The following USP47 variants were observed in gnomAD, a reference collection of about 807,000 sequenced individuals.
USP47 encodes the protein ubiquitin carboxyl-terminal hydrolase 47.
Under a neutral mutation model 165.1 loss-of-function variants are expected in USP47, and 35 were observed. That is an observed-to-expected ratio of 0.21 (90% CI 0.16 to 0.28). The LOEUF is 0.28. USP47 is among the 10% of genes least tolerant of loss of function. The pLI is 1.00. For missense variants in USP47, 1,277 were observed against 1,607.4 expected, an observed-to-expected ratio of 0.79 and a Z score of 3.52; for synonymous variants, 531 against 544.5, an observed-to-expected ratio of 0.98 and a Z score of 0.35.
At chr11:11,938,551 G>A (rs768711866) in intron 18 of USP47, among the ~76,000 whole-genome samples, 179 bp downstream of exon 18, 10 of 152,044 alleles carry the variant, frequency 6.6e-5, no homozygotes, top group Admixed American at 1.3e-4. Flanking sequence ...GTAAGAAAGT[G>A]TAAGGCAAGT....
intron 1 of USP47, among the ~76,000 whole-genome samples, chr11:11,873,201 T>C (rs986430231): frequency 6.6e-5 from 10 of 152,128 alleles, no homozygotes; most frequent in African/African-American, 2.4e-4. Flanking sequence ...TTTTATTAAC[T>C]GAAGAAGGGA....
chr11:11,892,248 A>G lies in USP47; in HGVS notation c.496+142A>G, dbSNP rs1851562587. 3 of 820,222 alleles carry G rather than the reference A, an allele frequency of 3.7e-6. No individual in the cohort carries two copies. In the East Asian group the frequency reaches 8.4e-5, roughly 23 times the overall value. 50.8% of individuals were successfully genotyped at this position (820,222 alleles called of 1,614,324 possible). ...TACTAGCTAGCAGCCGCAAAGTTAG[A>G]AGAAGTATGTGGTTTACTTTTCCTT... On this transcript the variant is annotated intron_variant, in intron 4 of 27. Coordinates refer to ENST00000527733, the MANE Select transcript of USP47 (RefSeq NM_001282659.2).
chr11:11,921,464 A>G (rs1009576948), intron 10 of USP47, among the ~76,000 whole-genome samples: 1 of 151,866 alleles, frequency 6.6e-6, no homozygotes, highest in Non-Finnish European at 1.5e-5. Flanking sequence ...TGGATAATTC[A>G]TAAAACCTTT....
intron 1 of USP47, among the ~76,000 whole-genome samples, chr11:11,853,245 G>A (rs1315772284): frequency 6.6e-6 from 1 of 152,126 alleles, no homozygotes; most frequent in Non-Finnish European, 1.5e-5. Context: ...AATACCTATT[G>A]TAAATTAAAG....
chr11:11,842,091 G>T lies in USP47; in HGVS notation c.-95G>T. Reference sequence around the variant, plus strand: ...ATTGCTGGAGCGCAGGCGGCGGAGAGGATGACTGCCGCTGCCATTCTCTCT... The same window carrying T: ...ATTGCTGGAGCGCAGGCGGCGGAGATGATGACTGCCGCTGCCATTCTCTCT... On this transcript the variant is annotated 5_prime_UTR_variant, in exon 1 of 28. The change creates a new upstream start codon in the 5' untranslated region. Coordinates refer to ENST00000527733, the MANE Select transcript of USP47 (RefSeq NM_001282659.2). 3.4e-6 allele frequency: 5 copies of T among 1,455,604 alleles called. No homozygotes were observed. Among genetic ancestry groups the T allele is most frequent in the Non-Finnish European group, 4.7e-6 (5 of 1,073,074 alleles). 90.2% of individuals were successfully genotyped at this position (1,455,604 alleles called of 1,614,324 possible).
intron 1 of USP47, among the ~76,000 whole-genome samples, chr11:11,842,748 G>A (rs1384265644): frequency 1.3e-5 from 2 of 151,858 alleles, no homozygotes; most frequent in African/African-American, 4.8e-5. Context: ...CTGCCTAAAT[G>A]GGGCCTACCG....
chr11:11,890,898 A>G (rs1238205530), intron 3 of USP47, among the ~76,000 whole-genome samples: 1 of 152,218 alleles, frequency 6.6e-6, no homozygotes, highest in African/African-American at 2.4e-5. Context: ...TTCTCAGGAA[A>G]CTAACACAGG....
chr11:11,890,470 T>C (rs1564866537), intron 3 of USP47, among the ~76,000 whole-genome samples: 1 of 152,084 alleles, frequency 6.6e-6, no homozygotes, highest in Admixed American at 6.5e-5. Context: ...ATTAGAGAAA[T>C]GCAAATCAAA....
chr11:11,918,398 G>C (rs1248444580), intron 8 of USP47, among the ~76,000 whole-genome samples: 1 of 152,076 alleles, frequency 6.6e-6, no homozygotes, highest in Non-Finnish European at 1.5e-5. Context: ...GAAATACATT[G>C]TTAAGGTAAT....
chr11:11,878,520 C>CT (rs1200027208), intron 1 of USP47: 11 of 152,038 alleles, frequency 7.2e-5, no homozygotes. Context: ...GTAAAATAAT[C>CT]TATTAAATGT....
chr11:11,930,007 T>C (rs377372403), intron 12 of USP47, 37 bp from the exon 13 acceptor site: 521 of 1,553,886 alleles, frequency 3.4e-4, no homozygotes, highest in South Asian at 1.1e-3. Context: ...GATAGTGTTA[T>C]AGAATTTGCA....
intron 24 of USP47, chr11:11,952,337 G>C (rs1176917082): frequency 6.6e-6 from 1 of 152,368 alleles, no homozygotes; most frequent in African/African-American, 2.4e-5. Context: ...AAATTGGGGA[G>C]TAAATGGAAA....
At chr11:11,871,284 A>T (rs543207064) in intron 1 of USP47, among the ~76,000 whole-genome samples, 1 of 151,782 alleles carries the variant, frequency 6.6e-6, no homozygotes, top group East Asian at 1.9e-4. Context: ...CGGATAGGTC[A>T]TGAGGTCAAG....
intron 5 of USP47, among the ~76,000 whole-genome samples, chr11:11,898,750 T>A (rs1048913231): frequency 2.0e-5 from 3 of 152,136 alleles, no homozygotes; most frequent in Non-Finnish European, 4.4e-5. Context: ...GAGAAGAAAG[T>A]AAGCTTCAGG....
intron 21 of USP47, 148 bp from the exon 22 acceptor site, chr11:11,948,330 C>G: frequency 2.4e-6 from 2 of 826,550 alleles, no homozygotes; most frequent in South Asian, 1.9e-5. Flanking sequence ...AGTTACTATT[C>G]TAGGTGCTGG....
At chr11:11,948,161 A>G in intron 21 of USP47, 41 bp downstream of exon 21, 1 of 1,566,838 alleles carries the variant, frequency 6.4e-7, no homozygotes, top group Non-Finnish European at 8.6e-7. Flanking sequence ...GTCTATTTTA[A>G]ATGATAGATT....
At chr11:11,864,013 GA>G (rs1207338112) in intron 1 of USP47, among the ~76,000 whole-genome samples, 2 of 152,106 alleles carry the variant, frequency 1.3e-5, no homozygotes, top group Admixed American at 6.5e-5. Flanking sequence ...CTATTATGGT[GA>G]TAGCATTGCT....
chr11:11,938,771 A>T (rs527473437), intron 18 of USP47, among the ~76,000 whole-genome samples: 1 of 152,080 alleles, frequency 6.6e-6, no homozygotes, highest in South Asian at 2.1e-4. Flanking sequence ...CTAGCGTTCC[A>T]CATGCCTTGA....
intron 20 of USP47, 39 bp from the exon 21 acceptor site, chr11:11,947,906 A>G (rs1855949819): frequency 2.6e-6 from 4 of 1,563,218 alleles, no homozygotes; most frequent in Non-Finnish European, 3.4e-6. Context: ...GGTTTCTTTT[A>G]CATTTTTGTT....
Sources: allele counts gnomAD v4.1 joint callset (sites outside exome capture counted in the v4.1 genomes callset), GRCh38; gene constraint gnomAD v4.1.1; transcripts MANE v1.5; gene names NCBI Gene and HGNC (gene_info 2026-07-23, HGNC 2026-07-21).